SYNE2: variants seen among roughly 807,000 people sequenced by gnomAD.
SYNE2 encodes spectrin repeat containing nuclear envelope protein 2.
In SYNE2, 431 loss-of-function variants were observed where a neutral mutation model predicts 856.3. The observed-to-expected ratio is 0.50, with a 90% CI of 0.47 to 0.55. The LOEUF (loss-of-function observed/expected upper bound fraction) is 0.55. SYNE2 is among the 20% of genes least tolerant of loss of function. SYNE2 has a pLI of 0.00. For missense variants in SYNE2, 8,129 were observed against 8,023.2 expected (o/e 1.01, Z -0.50); for synonymous variants, 2,923 against 2,872.3 (o/e 1.02, Z -0.56).
At chr14:63,947,837 A>G (rs1237771445) in intron 6 of SYNE2, among the ~76,000 whole-genome samples, 10 of 148,702 alleles carry the variant, frequency 6.7e-5, no homozygotes, top group African/African-American at 2.5e-4. Context: ...AACTCTGTCT[A>G]AAAAAAAAAG....
At chr14:63,971,447 A>G (rs1595951491) in intron 11 of SYNE2, among the ~76,000 whole-genome samples, 1 of 152,108 alleles carries the variant, frequency 6.6e-6, no homozygotes, top group East Asian at 1.9e-4. Flanking sequence ...GTTATTGTAC[A>G]ACTTTTTGTA....
chr14:63,960,098 A>G (rs2096290821), intron 8 of SYNE2, among the ~76,000 whole-genome samples: 1 of 152,210 alleles, frequency 6.6e-6, no homozygotes, highest in Non-Finnish European at 1.5e-5. Flanking sequence ...TTCGTATATA[A>G]TAAGTTTTTA....
chr14:63,787,900 G>A lies in SYNE2; in HGVS notation c.-305+25914G>A, dbSNP rs1218341972. Among the ~76,000 whole-genome samples the A allele has an allele frequency of 2.6e-5, 4 of 152,154 alleles. No homozygotes were observed. The East Asian group carries it at 7.7e-4, about 29-fold the overall frequency. On this transcript the variant is annotated intron_variant, in intron 1 of 23. Transcript: ENST00000674003. ...GCTCCCTTTGCCCAGGAGCCTGTCT[G>A]CATCCCACTGTGCCACCAGCATCCA... is the stretch of plus-strand genomic sequence containing the variant.
intron 6 of SYNE2, among the ~76,000 whole-genome samples, chr14:63,945,602 T>A (rs1219806104): frequency 1.3e-5 from 2 of 152,112 alleles, no homozygotes; most frequent in East Asian, 3.8e-4. Flanking sequence ...CCAGTTTTTT[T>A]ATTTGTTTGT....
intron 2 of SYNE2, among the ~76,000 whole-genome samples, chr14:63,938,948 G>GTGCGTGTGTGCGCT (rs1555387871): frequency 6.6e-6 from 1 of 151,904 alleles, no homozygotes; most frequent in Non-Finnish European, 1.5e-5. Context: ...GTGTGCGTGT[G>GTGCGTGTGTGCGCT]TGCATGTGTG....
intron 45 of SYNE2, among the ~76,000 whole-genome samples, chr14:64,039,610 T>C (rs7158815): frequency 0.76 from 115,549 of 152,202 alleles, 45,911 homozygotes; most frequent in Non-Finnish European, 0.88. Flanking sequence ...AGCCCAACCA[T>C]GCTTTGATAG....
At chr14:63,937,725 T>C (rs1157758240) in intron 2 of SYNE2, among the ~76,000 whole-genome samples, 1 of 152,208 alleles carries the variant, frequency 6.6e-6, no homozygotes, top group Non-Finnish European at 1.5e-5. Context: ...GTTGAGTGGG[T>C]TTCTCCAGCC....
chr14:64,072,609 C>T (rs1261815979), intron 52 of SYNE2, among the ~76,000 whole-genome samples: 1 of 152,084 alleles, frequency 6.6e-6, no homozygotes, highest in Non-Finnish European at 1.5e-5. Context: ...AAGCGATTCT[C>T]CTGCCTCAGC....
intron 64 of SYNE2, 46 bp downstream of exon 64, chr14:64,102,088 G>T (rs757729386): frequency 3.1e-6 from 4 of 1,310,186 alleles, no homozygotes; most frequent in South Asian, 1.2e-5. Context: ...CGAGGGCCCA[G>T]GGGGGAGCAG....
At chr14:63,907,570 T>C (rs1374457301) in intron 1 of SYNE2, among the ~76,000 whole-genome samples, 1 of 152,174 alleles carries the variant, frequency 6.6e-6, no homozygotes, top group African/African-American at 2.4e-5. Flanking sequence ...TACTGTATAA[T>C]ATTGCTATTA....
At chr14:64,220,220 GC>G (rs2098688148) in intron 110 of SYNE2, among the ~76,000 whole-genome samples, 1 of 152,152 alleles carries the variant, frequency 6.6e-6, no homozygotes, top group African/African-American at 2.4e-5. Flanking sequence ...CCTCCCTCCA[GC>G]AGGCCTCTAC....
At chr14:64,195,734 C>A (rs1054278783) in intron 99 of SYNE2, among the ~76,000 whole-genome samples, 1 of 152,174 alleles carries the variant, frequency 6.6e-6, no homozygotes, top group Non-Finnish European at 1.5e-5. Flanking sequence ...CTTTTCATTG[C>A]TCTCCTTTTA....
Position 64,225,976 on chromosome 14 carries a change from CAT to C in SYNE2, c.*453_*454del, listed in dbSNP as rs1468365399. The C allele has an allele frequency of 6.7e-6, 2 of 296,488 alleles. No homozygotes were observed. The highest frequency in any genetic ancestry group is 9.3e-5 in the Admixed American group (2 of 21,564). 18.4% of individuals were successfully genotyped at this position (296,488 alleles called of 1,614,324 possible). ...CCCTTAGCTGATGGAAACAATCAAT[CAT>C]ATTTAATACGCTTAGAATCAGTTTT... is the stretch of plus-strand genomic sequence containing the variant. On this transcript the variant is annotated 3_prime_UTR_variant, in exon 116 of 116. Coordinates refer to ENST00000555002, the MANE Select transcript of SYNE2 (RefSeq NM_182914.3).
chr14:63,876,504 T>TC (rs1566681925), intron 1 of SYNE2, among the ~76,000 whole-genome samples: 1 of 151,732 alleles, frequency 6.6e-6, no homozygotes, highest in Non-Finnish European at 1.5e-5. Context: ...CTTTTTTTTT[T>TC]TGAGACCGAG....
At chr14:63,871,070 C>T (rs1335752419) in intron 1 of SYNE2, among the ~76,000 whole-genome samples, 1 of 151,728 alleles carries the variant, frequency 6.6e-6, no homozygotes, top group Non-Finnish European at 1.5e-5. Flanking sequence ...TAAATAAGAC[C>T]AAGTATCAAA....
chr14:64,201,784 T>A (rs2098568465), intron 99 of SYNE2, among the ~76,000 whole-genome samples: 1 of 152,136 alleles, frequency 6.6e-6, no homozygotes, highest in Non-Finnish European at 1.5e-5. Context: ...CTCCCAGCTA[T>A]GGGGTGCAGT....
Position 63,967,681 on chromosome 14 carries a change from A to C in SYNE2, c.991-28A>C, listed in dbSNP as rs77445320. ...GATATAAATGGAATTAAACATTTTC[A>C]ATCTTTAAAATACTCTTCTAATTGC... On this transcript the variant is annotated intron_variant, in intron 10 of 115. Transcript: ENST00000555002. 499 of 1,609,252 alleles carry C rather than the reference A, an allele frequency of 3.1e-4. No individual in the cohort carries two copies. In the East Asian group the frequency reaches 4.7e-3, roughly 15 times the overall value.
chr14:63,949,799 C>T (rs746911154), intron 6 of SYNE2, 26 bp from the exon 7 acceptor site: 11 of 1,613,486 alleles, frequency 6.8e-6, no homozygotes, highest in African/African-American at 1.3e-5. Flanking sequence ...CTTTTATAAA[C>T]GTTAAGTCTA....
At chr14:64,099,008 T>C in intron 63 of SYNE2, 187 bp downstream of exon 63, 2 of 621,540 alleles carry the variant, frequency 3.2e-6, no homozygotes, top group South Asian at 3.5e-5. Flanking sequence ...CTTCACTGTG[T>C]AAGAGTGAGA....
Sources: allele counts gnomAD v4.1 joint callset (sites outside exome capture counted in the v4.1 genomes callset), GRCh38; gene constraint gnomAD v4.1.1; transcripts MANE v1.5; gene names NCBI Gene and HGNC (gene_info 2026-07-23, HGNC 2026-07-21).